CFAP206: variants seen among roughly 807,000 people sequenced by gnomAD.
CFAP206 encodes cilia and flagella associated protein 206, also known as cilia- and flagella-associated protein 206.
CFAP206 carries 53 observed loss-of-function variants against 65.4 expected under a neutral mutation model. The observed-to-expected ratio is 0.81, with a 90% CI of 0.65 to 1.02. The LOEUF (loss-of-function observed/expected upper bound fraction) is 1.02, where lower values mean the gene tolerates loss of function less well. Ranked by LOEUF, CFAP206 falls within the 50% of genes least tolerant of loss-of-function variation. The pLI, the probability that CFAP206 is intolerant of heterozygous loss-of-function variation, is 0.00. For missense variants in CFAP206, 663 were observed against 753.2 expected (o/e 0.88, Z 1.40); for synonymous variants, 250 against 254.4 (o/e 0.98, Z 0.17).
chr6:87,443,781 C>T (rs1768393135), intron 11 of CFAP206, among the ~76,000 whole-genome samples: 6 of 152,084 alleles, frequency 3.9e-5, no homozygotes. Context: ...CTCTCTCTCT[C>T]CCCACTCTAG....
In CFAP206 at chr6:87,462,856, A is replaced by G. The variant is rs1006673252; in HGVS notation, c.1639-1164A>G. Among the ~76,000 whole-genome samples the G allele has an allele frequency of 2.0e-5, 3 of 152,302 alleles. 1 individual carries two copies. In the South Asian group the frequency reaches 6.2e-4, roughly 32 times the overall value. On this transcript the variant is annotated intron_variant, in intron 12 of 12. Transcript: ENST00000369562. ...GTATTATATTGAATGCCAGCTCCCC[A>G]AGTGTCACCTACCTAACCTGTGGAT...
intron 11 of CFAP206, among the ~76,000 whole-genome samples, chr6:87,443,237 T>C (rs1433900700): frequency 6.6e-6 from 1 of 152,160 alleles, no homozygotes; most frequent in Non-Finnish European, 1.5e-5. Flanking sequence ...ATCTAAGTTT[T>C]TAAACTTATG....
At chr6:87,458,843 CTGTT>C (rs1231809875) in intron 11 of CFAP206, among the ~76,000 whole-genome samples, 5 of 152,154 alleles carry the variant, frequency 3.3e-5, no homozygotes, top group East Asian at 1.9e-4. Context: ...GACATGATGA[CTGTT>C]TGAGGTGATG....
rs555748002 is a variant in CFAP206 at position 87,426,396 on chromosome 6, C to T, written c.841-130C>T. The T allele has an allele frequency of 1.4e-4, 76 of 556,076 alleles. 1 individual carries two copies. The highest frequency in any genetic ancestry group is 1.0e-3 in the African/African-American group (53 of 51,472). 34.4% of individuals were successfully genotyped at this position (556,076 alleles called of 1,614,324 possible). A position where few individuals can be genotyped will look rare whatever the true frequency, so the allele number is the denominator to read the frequency against. On this transcript the variant is annotated intron_variant, in intron 7 of 12. Coordinates refer to ENST00000369562, the MANE Select transcript of CFAP206 (RefSeq NM_001031743.3). ...ACTGTTCTAGGTGTTGAGGATCTTG[C>T]GGAGAACAGACTTCCTGCTGTCATT...
chr6:87,424,310 C>T (rs575907367), intron 7 of CFAP206, among the ~76,000 whole-genome samples: 4 of 152,124 alleles, frequency 2.6e-5, no homozygotes, highest in East Asian at 1.9e-4. Flanking sequence ...GACAGAGTCT[C>T]GCTCTGTTGC....
At position 87,435,063 on chromosome 6, in the gene CFAP206, G is replaced by A. The variant is rs1768233706; in HGVS notation, c.1494+10G>A. 2 of 1,535,326 alleles carry A rather than the reference G, an allele frequency of 1.3e-6. No homozygotes were observed. Among genetic ancestry groups the A allele is most frequent in the African/African-American group, 1.4e-5 (1 of 71,834 alleles). The stretch of plus-strand genomic sequence containing the variant: ...TATTCCATATTCTCAGGTAAGCAGG[G>A]TCAATATTTTATGAATTTATGACAT... On this transcript the variant is annotated intron_variant, in intron 11 of 12. Transcript: ENST00000369562.
chr6:87,461,024 G>A lies in CFAP206; in HGVS notation c.1497G>A (p.Met499Ile), dbSNP rs1171161920. 3 of 1,572,920 alleles carry A rather than the reference G, an allele frequency of 1.9e-6. No individual in the cohort carries two copies. The highest frequency in any genetic ancestry group is 1.7e-6 in the Non-Finnish European group (2 of 1,166,276). Residue 499 changes from methionine to isoleucine, a missense_variant and splice_region_variant, in exon 12 of 13, where the codon ATG becomes ATA. Transcript: ENST00000369562. ...ACTACAAAACTCCACTTCTTTAGAT[G>A]AGAGATGCTGACAAACATTATATAA... ...QFETFIPYSQ[M>I]RDADKHYIKP...
chr6:87,457,312 A>C (rs1369777997), intron 11 of CFAP206, among the ~76,000 whole-genome samples: 2 of 152,206 alleles, frequency 1.3e-5, no homozygotes, highest in Non-Finnish European at 2.9e-5. Flanking sequence ...AATAGAAAAA[A>C]TAACCTTACA....
rs1767723331 is a variant in CFAP206, at chr6:87,410,854, G to A, written c.192+186G>A. On this transcript the variant is annotated intron_variant, in intron 3 of 12. Transcript: ENST00000369562. Reference sequence around the variant, plus strand: ...AGACCATTCTTCCTGGCTTCCTGGGGCACACCATCCTTGCAATATGGTCAT... The same window carrying A: ...AGACCATTCTTCCTGGCTTCCTGGGACACACCATCCTTGCAATATGGTCAT... Among the ~76,000 whole-genome samples the A allele has an allele frequency of 2.0e-5, 3 of 152,116 alleles. No homozygotes were observed. The South Asian group carries it at 6.2e-4, about 31-fold the overall frequency.
chr6:87,420,879 C>G (rs1002574736), intron 7 of CFAP206, among the ~76,000 whole-genome samples: 2 of 152,126 alleles, frequency 1.3e-5, no homozygotes, highest in African/African-American at 4.8e-5. Context: ...GATGAGTTTT[C>G]TTAACTTTCT....
At chr6:87,428,865 T>C (rs1252191282) in intron 9 of CFAP206, 41 bp downstream of exon 9, 1 of 1,532,468 alleles carries the variant, frequency 6.5e-7, no homozygotes, top group South Asian at 1.1e-5. Context: ...TTTTTAAAAT[T>C]ACCTCTAGAA....
intron 11 of CFAP206, among the ~76,000 whole-genome samples, chr6:87,453,273 T>C (rs933785981): frequency 6.6e-6 from 1 of 152,026 alleles, no homozygotes; most frequent in Non-Finnish European, 1.5e-5. Flanking sequence ...ATAAAGACTT[T>C]CCCAGACAAA....
chr6:87,454,910 T>C (rs980691631), intron 11 of CFAP206, among the ~76,000 whole-genome samples: 6 of 151,098 alleles, frequency 4.0e-5, no homozygotes, highest in Admixed American at 1.3e-4. Context: ...AGGAACTTTA[T>C]TATTTTATTT....
chr6:87,464,381 G>A lies in CFAP206; in HGVS notation c.*131G>A, dbSNP rs986933377. The A allele has an allele frequency of 4.6e-5, 26 of 567,636 alleles. No individual in the cohort carries two copies. The highest frequency in any genetic ancestry group is 6.2e-5 in the Non-Finnish European group (22 of 353,558). 35.2% of individuals were successfully genotyped at this position (567,636 alleles called of 1,614,324 possible). On this transcript the variant is annotated 3_prime_UTR_variant, in exon 13 of 13. Coordinates refer to ENST00000369562, the MANE Select transcript of CFAP206 (RefSeq NM_001031743.3). ...CATTGGTTGTGTGACTGTTTATTGGGTTCCCATATTTTATCAAACTGTTTT... is the reference window on the plus strand; with the variant it reads ...CATTGGTTGTGTGACTGTTTATTGGATTCCCATATTTTATCAAACTGTTTT...
At chr6:87,426,377 C>A (rs1372892555) in intron 7 of CFAP206, 149 bp from the exon 8 acceptor site, 7 of 468,968 alleles carry the variant, frequency 1.5e-5, no homozygotes, top group African/African-American at 1.4e-4. Flanking sequence ...TGGTACTGTT[C>A]TAGGTGTTGA....
chr6:87,445,626 T>C (rs1341226275), intron 11 of CFAP206, among the ~76,000 whole-genome samples: 1 of 152,194 alleles, frequency 6.6e-6, no homozygotes, highest in Non-Finnish European at 1.5e-5. Flanking sequence ...CTTAGATTGA[T>C]TCCATGTCTT....
Position 87,434,906 on chromosome 6 carries a change from A to G in CFAP206, c.1347A>G (p.Thr449=). The G allele has an allele frequency of 6.6e-7, 1 of 1,512,606 alleles. No individual in the cohort carries two copies. The highest frequency in any genetic ancestry group is 9.1e-7 in the Non-Finnish European group (1 of 1,103,706). 93.7% of individuals were successfully genotyped at this position (1,512,606 alleles called of 1,614,324 possible). A position where few individuals can be genotyped will look rare whatever the true frequency, so the allele number is the denominator to read the frequency against. ...TAAAATATAAAGAAAAATATTACACATTCAATAGTAAAGATGCTGCATATT... is the reference window on the plus strand; with the variant it reads ...TAAAATATAAAGAAAAATATTACACGTTCAATAGTAAAGATGCTGCATATT... The part of the protein sequence containing the change: ...GILKYKEKYY[T]FNSKDAAYSF... The change falls in exon 11 of 13, where the codon ACA becomes ACG. Residue 449 remains threonine (T), a synonymous_variant. Transcript: ENST00000369562.
At chr6:87,463,957 A>G in intron 12 of CFAP206, 63 bp from the exon 13 acceptor site, 1 of 1,316,660 alleles carries the variant, frequency 7.6e-7, no homozygotes, top group South Asian at 1.5e-5. Flanking sequence ...CTGGTATCTG[A>G]TAATATTTTA....
intron 4 of CFAP206, among the ~76,000 whole-genome samples, chr6:87,414,981 T>C (rs907800922): frequency 1.1e-4 from 16 of 152,134 alleles, no homozygotes; most frequent in Non-Finnish European, 2.1e-4. Context: ...AAACTGTGCG[T>C]GGTGGATATG....
Sources: allele counts gnomAD v4.1 joint callset (sites outside exome capture counted in the v4.1 genomes callset), GRCh38; gene constraint gnomAD v4.1.1; transcripts MANE v1.5; gene names NCBI Gene and HGNC (gene_info 2026-07-23, HGNC 2026-07-21).